The following TASP1 variants were observed in gnomAD, a reference collection of about 807,000 sequenced individuals.
TASP1 encodes the protein taspase 1.
Under a neutral mutation model 56.6 loss-of-function variants are expected in TASP1, and 16 were observed. The ratio of observed to expected loss-of-function variants is 0.28; its 90% CI spans 0.19 to 0.43. The LOEUF is 0.43. Ranked by LOEUF, TASP1 falls within the 20% of genes least tolerant of loss-of-function variation. The pLI is 1.00. For missense variants in TASP1, 393 were observed against 511.6 expected (o/e 0.77, Z 2.24); for synonymous variants, 179 against 184.2 (o/e 0.97, Z 0.23).
Position 13,461,446 on chromosome 20 carries a change from C to T in TASP1, c.985+21781G>A, listed in dbSNP as rs558798940. The stretch of plus-strand genomic sequence containing the variant: ...CCTGGCCTGAAACATAGTGTATGCA[C>T]GAATCCTTATTGAATAATAAGAAAA... On this transcript the variant is annotated intron_variant, in intron 11 of 13. Transcript: ENST00000337743. Among the ~76,000 whole-genome samples, 23 of 152,212 alleles carry T rather than the reference C, an allele frequency of 1.5e-4. No homozygotes were observed. The South Asian group carries it at 4.6e-3, about 30-fold the overall frequency.
At chr20:13,162,145 T>C in the TASP1 span, among the ~76,000 whole-genome samples, 1 of 152,014 alleles carries the variant, frequency 6.6e-6, no homozygotes, top group Admixed American at 6.6e-5. Flanking sequence ...GAAAAATAGG[T>C]TTAGAAAATA....
At chr20:13,445,925 T>C (rs907862578) in intron 11 of TASP1, among the ~76,000 whole-genome samples, 1 of 152,160 alleles carries the variant, frequency 6.6e-6, no homozygotes, top group Non-Finnish European at 1.5e-5. Flanking sequence ...TCAACAAATA[T>C]TTCATATTTT....
the TASP1 span, among the ~76,000 whole-genome samples, chr20:13,220,372 A>G: frequency 6.6e-6 from 1 of 152,090 alleles, no homozygotes; most frequent in African/African-American, 2.4e-5. Flanking sequence ...CCATTCGCCA[A>G]CCGCCCACTG....
the TASP1 span, among the ~76,000 whole-genome samples, chr20:13,343,076 T>C: frequency 6.6e-6 from 1 of 151,896 alleles, no homozygotes; most frequent in Non-Finnish European, 1.5e-5. Context: ...CCGAGAAGGG[T>C]CCTGGCAAGT....
intron 11 of TASP1, among the ~76,000 whole-genome samples, chr20:13,479,105 G>C (rs2043043863): frequency 6.6e-6 from 1 of 152,122 alleles, no homozygotes; most frequent in African/African-American, 2.4e-5. Context: ...AAAGGAGTGA[G>C]GGAAAGCCAT....
At chr20:13,269,934 A>AGGAGGGAT in the TASP1 span, among the ~76,000 whole-genome samples, 1 of 149,798 alleles carries the variant, frequency 6.7e-6, no homozygotes, top group African/African-American at 2.5e-5. Context: ...TGTGGGTGGA[A>AGGAGGGAT]GGATGGATGG....
At chr20:13,163,893 T>C in the TASP1 span, among the ~76,000 whole-genome samples, 1 of 152,116 alleles carries the variant, frequency 6.6e-6, no homozygotes, top group Non-Finnish European at 1.5e-5. Context: ...GAATTGAAAA[T>C]GACCTTTTTT....
chr20:13,495,858 T>C (rs1303399339), intron 10 of TASP1, among the ~76,000 whole-genome samples: 1 of 152,138 alleles, frequency 6.6e-6, no homozygotes, highest in Non-Finnish European at 1.5e-5. Context: ...TCTCAGGTCA[T>C]GAGAAAAAGA....
intron 4 of TASP1, among the ~76,000 whole-genome samples, chr20:13,606,564 T>C (rs1452347352): frequency 6.6e-6 from 1 of 152,066 alleles, no homozygotes. Context: ...TCCCAGCACT[T>C]TGGGAGGCTA....
the TASP1 span, among the ~76,000 whole-genome samples, chr20:13,198,909 T>C: frequency 6.7e-6 from 1 of 149,408 alleles, no homozygotes. Flanking sequence ...CTTCCTTCCT[T>C]CCTTTTTTTA....
chr20:13,632,323 C>T (rs1163512311), intron 1 of TASP1, among the ~76,000 whole-genome samples: 1 of 149,106 alleles, frequency 6.7e-6, no homozygotes, highest in Non-Finnish European at 1.5e-5. Flanking sequence ...AGAGATCACG[C>T]CACTGCACTC....
At chr20:13,188,323 A>G in the TASP1 span, among the ~76,000 whole-genome samples, 8 of 152,170 alleles carry the variant, frequency 5.3e-5, no homozygotes, top group African/African-American at 7.2e-5. Context: ...TTCCTAAACT[A>G]ATAAATAAAT....
chr20:13,357,581 T>C, the TASP1 span, among the ~76,000 whole-genome samples: 2 of 152,304 alleles, frequency 1.3e-5, no homozygotes, highest in Admixed American at 6.5e-5. Flanking sequence ...TGCAAAAAAG[T>C]CTGGAGATTG....
the TASP1 span, chr20:13,288,791 C>CT: frequency 0.32 from 298,273 of 935,110 alleles, 15,191 homozygotes; most frequent in Admixed American, 0.37. Flanking sequence ...CTTTTCTTTT[C>CT]TTTTTTTTTT....
At chr20:13,578,455 G>A (rs1489274108) in intron 6 of TASP1, among the ~76,000 whole-genome samples, 5 of 151,916 alleles carry the variant, frequency 3.3e-5, no homozygotes, top group African/African-American at 9.7e-5. Context: ...AATTCTGATC[G>A]TAGTATCTTC....
At chr20:13,137,832 A>G in the TASP1 span, among the ~76,000 whole-genome samples, 1 of 152,148 alleles carries the variant, frequency 6.6e-6, no homozygotes, top group Non-Finnish European at 1.5e-5. Flanking sequence ...TAATCCTCTC[A>G]TATTTCCCTC....
At chr20:13,242,147 G>C in the TASP1 span, among the ~76,000 whole-genome samples, 3 of 152,142 alleles carry the variant, frequency 2.0e-5, no homozygotes, top group Admixed American at 2.0e-4. Flanking sequence ...GAGGGTGGTT[G>C]AGATGCAGTA....
At chr20:13,405,867 G>A (rs988880861) in intron 13 of TASP1, among the ~76,000 whole-genome samples, 2 of 151,956 alleles carry the variant, frequency 1.3e-5, no homozygotes, top group African/African-American at 4.8e-5. Flanking sequence ...GTTTCCTCCT[G>A]AGACACAAAT....
At chr20:13,398,122 A>G (rs2041610352) in intron 13 of TASP1, among the ~76,000 whole-genome samples, 1 of 152,216 alleles carries the variant, frequency 6.6e-6, no homozygotes, top group Non-Finnish European at 1.5e-5. Flanking sequence ...ATCATTAAGA[A>G]TGAGGCTACT....
Sources: gnomAD v4.1 joint callset for allele counts (sites outside exome capture counted in the v4.1 genomes callset) on GRCh38, gnomAD v4.1.1 for gene constraint, MANE v1.5 for transcripts, NCBI Gene and HGNC (gene_info 2026-07-23, HGNC 2026-07-21) for gene names.